DSCAML1: variants seen among roughly 807,000 people sequenced by gnomAD.
DSCAML1 encodes the protein DS cell adhesion molecule like 1, also known as cell adhesion molecule DSCAML1.
In DSCAML1, 38 loss-of-function variants were observed where a neutral mutation model predicts 200.5. The ratio of observed to expected loss-of-function variants is 0.19; its 90% CI spans 0.15 to 0.25. The LOEUF (loss-of-function observed/expected upper bound fraction) is 0.25, where lower values mean the gene tolerates loss of function less well. DSCAML1 is among the 10% of genes least tolerant of loss of function. The pLI is 1.00. For missense variants in DSCAML1, 2,223 were observed against 2,858.8 expected, an observed-to-expected ratio of 0.78 and a Z score of 5.07; for synonymous variants, 1,215 against 1,165.0, an observed-to-expected ratio of 1.04 and a Z score of -0.87.
intron 3 of DSCAML1, among the ~76,000 whole-genome samples, chr11:117,569,005 C>G (rs1399247546): frequency 6.6e-6 from 1 of 152,186 alleles, no homozygotes; most frequent in Non-Finnish European, 1.5e-5. Flanking sequence ...CAGCATGGTA[C>G]TGGTACCAAA....
chr11:117,599,273 C>A (rs1381634312), intron 3 of DSCAML1, among the ~76,000 whole-genome samples: 1 of 152,206 alleles, frequency 6.6e-6, no homozygotes, highest in Non-Finnish European at 1.5e-5. Context: ...CCAGCCCTCT[C>A]AGCTACTGGA....
chr11:117,605,313 G>T (rs991135369), intron 3 of DSCAML1, among the ~76,000 whole-genome samples: 2 of 152,126 alleles, frequency 1.3e-5, no homozygotes, highest in African/African-American at 4.8e-5. Context: ...GAAAGATGGG[G>T]TTGACCATGC....
At chr11:117,773,529 GCACA>G (rs59492776) in intron 3 of DSCAML1, among the ~76,000 whole-genome samples, 4,392 of 144,460 alleles carry the variant, frequency 0.03, 59 homozygotes, top group African/African-American at 0.036. Context: ...ACCTCAAAAT[GCACA>G]CACACACACA....
chr11:117,498,616 G>A lies in DSCAML1; in HGVS notation c.2359+5229C>T, dbSNP rs996809810. 4.6e-5 allele frequency among the ~76,000 whole-genome samples: 7 copies of A among 152,262 alleles called. No homozygotes were observed. The highest frequency in any genetic ancestry group is 6.5e-5 in the Admixed American group (1 of 15,298). On this transcript the variant is annotated intron_variant, in intron 11 of 32. Transcript: ENST00000651296. This position sits in a 1 kb window ranked among gnomAD's most constrained non-coding sequence, Gnocchi z 4.0. ...TGAGGACCATCTTGGATCTCCAGAC[G>A]CACTTTTCCAAAGTTTTGCATCCTG...
intron 3 of DSCAML1, among the ~76,000 whole-genome samples, chr11:117,644,969 G>T (rs976264011): frequency 6.6e-6 from 1 of 152,230 alleles, no homozygotes; most frequent in African/African-American, 2.4e-5. Flanking sequence ...CCCGCAGGCC[G>T]CCTCAGAGTC....
intron 3 of DSCAML1, among the ~76,000 whole-genome samples, chr11:117,775,719 G>C (rs1422710729): frequency 2.0e-5 from 3 of 152,154 alleles, no homozygotes; most frequent in Non-Finnish European, 4.4e-5. Context: ...ACTCCTGGGA[G>C]AGTCTAATTC....
intron 20 of DSCAML1, among the ~76,000 whole-genome samples, chr11:117,444,703 A>G (rs1160064235): frequency 2.6e-5 from 4 of 152,212 alleles, no homozygotes; most frequent in Admixed American, 2.0e-4. Flanking sequence ...CAAGTTGCCA[A>G]CAAAACAATA....
At chr11:117,441,525 C>T (rs1565681804) in intron 21 of DSCAML1, among the ~76,000 whole-genome samples, 1 of 151,816 alleles carries the variant, frequency 6.6e-6, no homozygotes, top group East Asian at 1.9e-4. Flanking sequence ...ACAGAAGGTG[C>T]GGGGCCACAG....
intron 3 of DSCAML1, among the ~76,000 whole-genome samples, chr11:117,599,446 G>A (rs76044178): frequency 9.9e-5 from 15 of 152,236 alleles, no homozygotes; most frequent in Non-Finnish European, 1.3e-4. Flanking sequence ...TCTAATGTTG[G>A]ACACTTTTCT....
intron 3 of DSCAML1, among the ~76,000 whole-genome samples, chr11:117,771,866 G>A (rs1057244446): frequency 6.6e-5 from 10 of 152,044 alleles, no homozygotes; most frequent in African/African-American, 2.4e-4. Flanking sequence ...TACAGCATAG[G>A]TATTATCATT....
chr11:117,658,851 T>TA (rs2052784731), intron 3 of DSCAML1, among the ~76,000 whole-genome samples: 2 of 152,220 alleles, frequency 1.3e-5, no homozygotes, highest in Non-Finnish European at 2.9e-5. Flanking sequence ...ACTCCTTACT[T>TA]ACGTTGCTTG....
In DSCAML1 at chr11:117,505,016, T is replaced by A. The variant is rs759818029; in HGVS notation, c.2090A>T (p.Asn697Ile). Reference protein sequence around the residue: ...RVPPRFVVQPNNQDGIYGKAG... With the variant: ...RVPPRFVVQPINQDGIYGKAG... The stretch of plus-strand genomic sequence containing the variant: ...TTTGCCGTAGATGCCATCCTGGTTG[T>A]TGGGTTGCACCACAAATCGAGGGGG... Residue 697 changes from asparagine to isoleucine, a missense_variant, in exon 10 of 33, where the codon AAC becomes ATC. Asn to Ile is a moderately radical substitution (Grantham distance 149, BLOSUM62 -3). Around this residue, in one of 7 missense-constraint regions of DSCAML1, gnomAD observed 212 missense variants for 368.0 expected, o/e 0.58. Transcript: ENST00000651296. This position sits in a 1 kb window ranked among gnomAD's most constrained non-coding sequence, Gnocchi z 6.7. The A allele has an allele frequency of 3.7e-6, 6 of 1,612,066 alleles. No individual in the cohort carries two copies. In the Admixed American group the frequency reaches 1.0e-4, roughly 27 times the overall value.
At chr11:117,539,014 G>A (rs1261767160) in intron 3 of DSCAML1, among the ~76,000 whole-genome samples, 1 of 152,160 alleles carries the variant, frequency 6.6e-6, no homozygotes, top group African/African-American at 2.4e-5. Flanking sequence ...CAGATCCTGC[G>A]GCTCCTCTGT....
At chr11:117,735,605 G>A (rs4936404) in intron 3 of DSCAML1, among the ~76,000 whole-genome samples, 125,272 of 152,196 alleles carry the variant, frequency 0.82, 53,666 homozygotes, top group Non-Finnish European at 0.94. Flanking sequence ...GGGAAACCCA[G>A]AATATCTTTT....
intron 1 of DSCAML1, 78 bp downstream of exon 1, chr11:117,796,956 C>T (rs1182516672): frequency 7.1e-6 from 8 of 1,133,162 alleles, no homozygotes; most frequent in Non-Finnish European, 9.1e-6. Flanking sequence ...TGGAGCCCGC[C>T]GGGCACCCCG....
At chr11:117,453,243 GTTTAT>G (rs1342934155) in intron 19 of DSCAML1, among the ~76,000 whole-genome samples, 4 of 152,108 alleles carry the variant, frequency 2.6e-5, no homozygotes, top group Admixed American at 1.3e-4. Context: ...CCCCATTGTC[GTTTAT>G]TTTAATTCTG....
intron 3 of DSCAML1, among the ~76,000 whole-genome samples, chr11:117,700,614 C>T (rs532392195): frequency 2.0e-4 from 30 of 152,306 alleles, no homozygotes; most frequent in Admixed American, 4.6e-4. Flanking sequence ...ACACCTTGAT[C>T]GTGACAAGCT....
intron 3 of DSCAML1, among the ~76,000 whole-genome samples, chr11:117,674,557 A>G (rs1219446459): frequency 6.6e-6 from 1 of 152,090 alleles, no homozygotes; most frequent in Non-Finnish European, 1.5e-5. Context: ...CTGGATATTG[A>G]TGGGATATTT....
intron 3 of DSCAML1, among the ~76,000 whole-genome samples, chr11:117,694,730 G>A (rs2053559416): frequency 6.6e-6 from 1 of 152,238 alleles, no homozygotes; most frequent in South Asian, 2.1e-4. Context: ...GAACCCAGGG[G>A]AAGGAGCCAT....
Sources: gnomAD v4.1 joint callset for allele counts (sites outside exome capture counted in the v4.1 genomes callset) on GRCh38, gnomAD v4.1.1 for gene constraint, gnomAD v4.1.1 regional missense constraint, Gnocchi (gnomAD v3.1) non-coding constraint, MANE v1.5 for transcripts, NCBI Gene and HGNC (gene_info 2026-07-23, HGNC 2026-07-21) for gene names.